C2CD3: variants seen among roughly 807,000 people sequenced by gnomAD.
The protein encoded by C2CD3 is C2 domain-containing protein 3.
Under a neutral mutation model 234.0 loss-of-function variants are expected in C2CD3, and 148 were observed. That is an observed-to-expected ratio of 0.63 (90% CI 0.55 to 0.72). The LOEUF is 0.72. C2CD3 is among the 30% of genes least tolerant of loss of function. The probability of loss-of-function intolerance (pLI) is 0.00; values close to 1 mark genes in which losing one functional copy is unlikely to be tolerated. For missense variants in C2CD3, 2,577 were observed against 2,811.5 expected, an observed-to-expected ratio of 0.92 and a Z score of 1.89; for synonymous variants, 1,000 against 1,035.4, an observed-to-expected ratio of 0.97 and a Z score of 0.66.
At position 74,158,494 on chromosome 11, in the gene C2CD3, G is replaced by A. The variant is rs913751034; in HGVS notation, c.483+2905C>T. Among the ~76,000 whole-genome samples the A allele has an allele frequency of 4.6e-5, 7 of 152,072 alleles. No homozygotes were observed. The South Asian group carries it at 1.5e-3, about 32-fold the overall frequency. ...TCCCAGCACTTTGGGAGGCCAAGGC[G>A]GGCGGATCACCCGAGGTCAGGAGTT... On this transcript the variant is annotated intron_variant, in intron 3 of 32. Transcript: ENST00000334126.
intron 25 of C2CD3, among the ~76,000 whole-genome samples, chr11:74,056,988 G>A (rs1380441292): frequency 6.6e-6 from 1 of 151,348 alleles, no homozygotes; most frequent in Non-Finnish European, 1.5e-5. Flanking sequence ...TCCCACCTGG[G>A]CTCCACCATC....
chr11:74,161,402 G>A lies in C2CD3; in HGVS notation c.480C>T (p.Leu160=), dbSNP rs1279947467. The change falls in exon 3 of 33, where the codon CTC becomes CTT. Residue 160 remains leucine (L), a synonymous_variant. Coordinates refer to ENST00000334126, the MANE Select transcript of C2CD3 (RefSeq NM_001286577.2). ...VSSTSKKLGE[L]QVSLALEPLS... The stretch of plus-strand genomic sequence containing the variant: ...AATAATTAAAATATATTTTTACCTG[G>A]AGTTCTCCAAGTTTCTTAGACGTTG... 1 of 1,556,634 alleles carries A rather than the reference G, an allele frequency of 6.4e-7. No homozygotes were observed. Among genetic ancestry groups the A allele is most frequent in the South Asian group, 1.2e-5 (1 of 83,370 alleles).
intron 19 of C2CD3, among the ~76,000 whole-genome samples, chr11:74,092,049 T>A: frequency 6.6e-6 from 1 of 151,312 alleles, no homozygotes; most frequent in East Asian, 1.9e-4. Flanking sequence ...TGTGTGTGTA[T>A]ATATATATAT....
chr11:74,096,729 A>G (rs572590706), intron 16 of C2CD3, among the ~76,000 whole-genome samples: 34 of 152,244 alleles, frequency 2.2e-4, no homozygotes, highest in Non-Finnish European at 3.7e-4. Context: ...TCTACACTGC[A>G]AGATGACAGC....
chr11:74,091,558 A>G (rs1955894631), intron 19 of C2CD3, among the ~76,000 whole-genome samples: 1 of 152,198 alleles, frequency 6.6e-6, no homozygotes. Context: ...TCTGATGATA[A>G]ATTTAGAGGG....
intron 20 of C2CD3, among the ~76,000 whole-genome samples, chr11:74,089,486 C>A (rs1955793818): frequency 1.3e-5 from 2 of 152,190 alleles, no homozygotes; most frequent in African/African-American, 4.8e-5. Flanking sequence ...CACTGAGTAT[C>A]TTAGCTCTTC....
Position 74,028,390 on chromosome 11 carries a change from G to A in C2CD3, c.6818C>T (p.Pro2273Leu), listed in dbSNP as rs763957253. Residue 2273 changes from proline (P) to leucine (L), a missense_variant, in exon 32 of 33, where the codon CCC becomes CTC. Pro to Leu is a moderately conservative substitution (Grantham distance 98, BLOSUM62 -3). Coordinates refer to ENST00000334126, the MANE Select transcript of C2CD3 (RefSeq NM_001286577.2). ...CAAAAAGAAGTTGGGCACCACAATG[G>A]GCCCTGGGCTACAATGGTAGTTAAG... is the stretch of plus-strand genomic sequence containing the variant. ...STKQSLLLPG[P>L]IVVPNFFLPP... The A allele has an allele frequency of 3.9e-6, 6 of 1,534,306 alleles. No individual in the cohort carries two copies. In the East Asian group the frequency reaches 1.5e-4, roughly 38 times the overall value.
intron 31 of C2CD3, among the ~76,000 whole-genome samples, chr11:74,031,766 A>G (rs1287180897): frequency 6.6e-6 from 1 of 152,216 alleles, no homozygotes; most frequent in Non-Finnish European, 1.5e-5. Context: ...GTCTGGGCAC[A>G]TGTGGCATCT....
At chr11:74,045,464 C>T (rs559495909) in intron 28 of C2CD3, among the ~76,000 whole-genome samples, 1 of 152,288 alleles carries the variant, frequency 6.6e-6, no homozygotes, top group East Asian at 1.9e-4. Flanking sequence ...TGTGTTGAAT[C>T]TGTAGATCAA....
chr11:74,093,235 T>G (rs986836803), intron 18 of C2CD3, among the ~76,000 whole-genome samples: 5 of 151,642 alleles, frequency 3.3e-5, no homozygotes, highest in African/African-American at 1.2e-4. Flanking sequence ...AGGGGTGGGT[T>G]GAACATCCGT....
chr11:74,083,443 G>A (rs1296179880), intron 22 of C2CD3, among the ~76,000 whole-genome samples: 2 of 152,312 alleles, frequency 1.3e-5, no homozygotes, highest in South Asian at 2.1e-4. Context: ...TTGACAAATG[G>A]TATCTAATTA....
At chr11:74,104,493 CA>C (rs35853896) in intron 13 of C2CD3, among the ~76,000 whole-genome samples, 3,591 of 151,056 alleles carry the variant, frequency 0.024, 130 homozygotes, top group African/African-American at 0.081. Context: ...AAATAGTTCA[CA>C]AAAAAATGTG....
chr11:74,127,827 A>G (rs138205640), intron 7 of C2CD3, among the ~76,000 whole-genome samples: 99 of 151,716 alleles, frequency 6.5e-4, no homozygotes, highest in African/African-American at 2.4e-3. Flanking sequence ...TGATTTCCCG[A>G]TAACAAATGG....
intron 2 of C2CD3, among the ~76,000 whole-genome samples, chr11:74,162,475 C>A (rs896707649): frequency 6.6e-6 from 1 of 152,114 alleles, no homozygotes; most frequent in African/African-American, 2.4e-5. Flanking sequence ...AAAAGTGACA[C>A]AACTGATAGA....
intron 3 of C2CD3, among the ~76,000 whole-genome samples, chr11:74,153,284 T>C (rs1292595302): frequency 6.6e-6 from 1 of 152,020 alleles, no homozygotes; most frequent in Non-Finnish European, 1.5e-5. Flanking sequence ...AATGCTTTCC[T>C]ATGAAAAGAA....
chr11:74,152,940 G>A (rs1233240657), intron 3 of C2CD3, among the ~76,000 whole-genome samples: 1 of 152,172 alleles, frequency 6.6e-6, no homozygotes, highest in Non-Finnish European at 1.5e-5. Flanking sequence ...ATTTAATAGT[G>A]AAAGATGCCA....
chr11:74,133,129 T>TCC (rs1453928173), intron 6 of C2CD3, among the ~76,000 whole-genome samples, 157 bp from the exon 7 acceptor site: 3 of 152,214 alleles, frequency 2.0e-5, no homozygotes, highest in African/African-American at 2.4e-5. Flanking sequence ...CAAAGCTCTT[T>TCC]CCTACAGTAG....
intron 31 of C2CD3, among the ~76,000 whole-genome samples, chr11:74,030,500 C>G (rs1224559423): frequency 6.6e-6 from 1 of 152,142 alleles, no homozygotes; most frequent in Non-Finnish European, 1.5e-5. Flanking sequence ...CAGTGCTGAC[C>G]ACGACGTCCT....
chr11:74,019,357 AC>A (rs1178179416), intron 32 of C2CD3, among the ~76,000 whole-genome samples: 2 of 151,990 alleles, frequency 1.3e-5, no homozygotes, highest in Non-Finnish European at 2.9e-5. Context: ...ACCTCTATAC[AC>A]CCGTGGCCAA....
Sources: gnomAD v4.1 joint callset for allele counts (sites outside exome capture counted in the v4.1 genomes callset) on GRCh38, gnomAD v4.1.1 for gene constraint, MANE v1.5 for transcripts, NCBI Gene and HGNC (gene_info 2026-07-23, HGNC 2026-07-21) for gene names.